MCU: variants seen among roughly 807,000 people sequenced by gnomAD.
MCU encodes calcium uniporter protein, mitochondrial.
MCU carries 12 observed loss-of-function variants against 45.2 expected under a neutral mutation model. That is an observed-to-expected ratio of 0.27 (90% CI 0.17 to 0.43). MCU has a LOEUF of 0.43. MCU is among the 20% of genes least tolerant of loss of function. MCU has a pLI of 1.00. For synonymous variants in MCU, 160 were observed against 165.1 expected (o/e 0.97, Z 0.24); for missense variants, 324 against 436.7 (o/e 0.74, Z 2.30).
At chr10:72,819,618 T>G (rs1437351144) in intron 1 of MCU, among the ~76,000 whole-genome samples, 2 of 152,104 alleles carry the variant, frequency 1.3e-5, no homozygotes, top group African/African-American at 4.8e-5. Flanking sequence ...ATAAATACCC[T>G]TATTTTTTAT....
intron 1 of MCU, among the ~76,000 whole-genome samples, chr10:72,795,955 A>G (rs1175594182): frequency 2.0e-5 from 3 of 151,864 alleles, no homozygotes; most frequent in African/African-American, 4.8e-5. Flanking sequence ...CTGAGATCGC[A>G]CCACTGCACT....
intron 1 of MCU, among the ~76,000 whole-genome samples, chr10:72,775,290 TGACCAATG>T (rs1314141649): frequency 1.3e-5 from 2 of 152,092 alleles, no homozygotes; most frequent in Non-Finnish European, 2.9e-5. Context: ...TGCTCCTGAA[TGACCAATG>T]GGCCAATGAA....
chr10:72,877,150 A>G (rs1845630463), intron 6 of MCU, among the ~76,000 whole-genome samples: 1 of 151,982 alleles, frequency 6.6e-6, no homozygotes, highest in African/African-American at 2.4e-5. Flanking sequence ...CAAACTCCTG[A>G]GCTCCAGTGA....
At chr10:72,821,231 T>C (rs1312264754) in intron 1 of MCU, among the ~76,000 whole-genome samples, 1 of 152,124 alleles carries the variant, frequency 6.6e-6, no homozygotes, top group Non-Finnish European at 1.5e-5. Flanking sequence ...ACTTTTTTTT[T>C]TTTTTTTAAC....
chr10:72,778,418 C>T (rs1657255441), intron 1 of MCU, among the ~76,000 whole-genome samples: 1 of 152,054 alleles, frequency 6.6e-6, no homozygotes, highest in Non-Finnish European at 1.5e-5. Context: ...GTGAAATAAA[C>T]CAAGCCCGGA....
chr10:72,759,597 A>C (rs1843626147), intron 1 of MCU, among the ~76,000 whole-genome samples: 1 of 152,206 alleles, frequency 6.6e-6, no homozygotes, highest in Non-Finnish European at 1.5e-5. Flanking sequence ...AATTTGTTTT[A>C]AAATAAAAAC....
rs568940740 is a variant in MCU, at chr10:72,825,836, G to A, written c.151-8523G>A. ...TTAATAGACTTTCAGAGTTGGAAGG[G>A]CCTTACAATGTGTGTTGTATAACCC... On this transcript the variant is annotated intron_variant, in intron 1 of 7. Coordinates refer to ENST00000373053, the MANE Select transcript of MCU (RefSeq NM_138357.3). Among the ~76,000 whole-genome samples, 10 of 152,226 alleles carry A rather than the reference G, an allele frequency of 6.6e-5. No homozygotes were observed. In the South Asian group the frequency reaches 2.1e-3, roughly 32 times the overall value.
chr10:72,766,313 T>G (rs1184906630), intron 1 of MCU, among the ~76,000 whole-genome samples: 1 of 152,238 alleles, frequency 6.6e-6, no homozygotes, highest in Non-Finnish European at 1.5e-5. Context: ...AATCTCAGAT[T>G]AAACCCAACG....
At chr10:72,745,742 A>G (rs1322541491) in intron 1 of MCU, among the ~76,000 whole-genome samples, 2 of 152,292 alleles carry the variant, frequency 1.3e-5, no homozygotes, top group South Asian at 2.1e-4. Flanking sequence ...AGTATACCAT[A>G]TATCATTGCA....
chr10:72,849,002 C>T (rs921218963), intron 2 of MCU, among the ~76,000 whole-genome samples: 11 of 151,994 alleles, frequency 7.2e-5, no homozygotes, highest in South Asian at 2.1e-4. Flanking sequence ...ATGAAAGGGC[C>T]GGGGTTGGTG....
chr10:72,703,496 T>A (rs1174503626), intron 1 of MCU, among the ~76,000 whole-genome samples: 1 of 152,192 alleles, frequency 6.6e-6, no homozygotes, highest in Non-Finnish European at 1.5e-5. Flanking sequence ...TCTGAAGAAA[T>A]TGAAATTTTG....
chr10:72,855,164 A>C (rs1340993460), intron 2 of MCU, among the ~76,000 whole-genome samples: 2 of 152,120 alleles, frequency 1.3e-5, no homozygotes, highest in African/African-American at 2.4e-5. Context: ...GCTTGAACTC[A>C]GGAGGTGGAG....
At chr10:72,735,713 G>A (rs1025190746) in intron 1 of MCU, among the ~76,000 whole-genome samples, 1 of 152,210 alleles carries the variant, frequency 6.6e-6, no homozygotes, top group Non-Finnish European at 1.5e-5. Flanking sequence ...TATGTCACAA[G>A]ATTTGTTCAA....
chr10:72,761,446 G>C (rs377448715), intron 1 of MCU, among the ~76,000 whole-genome samples: 1 of 152,140 alleles, frequency 6.6e-6, no homozygotes, highest in Non-Finnish European at 1.5e-5. Flanking sequence ...AGAAAACGAA[G>C]TTATCTTATG....
At chr10:72,837,535 C>G (rs1270432638) in intron 2 of MCU, among the ~76,000 whole-genome samples, 1 of 152,144 alleles carries the variant, frequency 6.6e-6, no homozygotes, top group African/African-American at 2.4e-5. Context: ...ATAGTTAACA[C>G]CTCCAACAGA....
chr10:72,880,478 C>CG (rs11286927), intron 6 of MCU, among the ~76,000 whole-genome samples: 6,349 of 138,800 alleles, frequency 0.046, 148 homozygotes, highest in East Asian at 0.059. Flanking sequence ...GAAGGCAAAG[C>CG]GGGGGGGGGG....
chr10:72,857,880 T>C (rs1375157069), intron 2 of MCU, among the ~76,000 whole-genome samples: 1 of 152,202 alleles, frequency 6.6e-6, no homozygotes, highest in Non-Finnish European at 1.5e-5. Context: ...TCATAATAAA[T>C]TTTCCCTTCA....
intron 1 of MCU, among the ~76,000 whole-genome samples, chr10:72,772,365 T>A (rs566319885): frequency 6.6e-6 from 1 of 152,324 alleles, no homozygotes; most frequent in South Asian, 2.1e-4. Context: ...AGGCAGTGAC[T>A]TAGCAATATT....
At chr10:72,736,433 A>G (rs1843252979) in intron 1 of MCU, 1 of 152,198 alleles carries the variant, frequency 6.6e-6, no homozygotes, top group Non-Finnish European at 1.5e-5. Context: ...AAATTGTTGC[A>G]TTCTTAGGAA....
Sources: gnomAD v4.1 joint callset for allele counts (sites outside exome capture counted in the v4.1 genomes callset) on GRCh38, gnomAD v4.1.1 for gene constraint, MANE v1.5 for transcripts, NCBI Gene and HGNC (gene_info 2026-07-23, HGNC 2026-07-21) for gene names.